Variants in BTBD9 observed in about 807,000 individuals in gnomAD.
BTBD9 encodes the protein BTB/POZ domain-containing protein 9.
Under a neutral mutation model 64.3 loss-of-function variants are expected in BTBD9, and 49 were observed. The ratio of observed to expected loss-of-function variants is 0.76; its 90% CI spans 0.61 to 0.97. The LOEUF (loss-of-function observed/expected upper bound fraction) is 0.97. BTBD9 is among the 50% of genes least tolerant of loss of function. The probability of loss-of-function intolerance (pLI) is 0.00; values close to 1 mark genes in which losing one functional copy is unlikely to be tolerated. For synonymous variants in BTBD9, 260 were observed against 274.7 expected (o/e 0.95, Z 0.53); for missense variants, 598 against 762.1 (o/e 0.78, Z 2.53).
intron 6 of BTBD9, among the ~76,000 whole-genome samples, chr6:38,498,738 C>T (rs551584185): frequency 3.3e-5 from 5 of 152,184 alleles, no homozygotes; most frequent in Non-Finnish European, 7.3e-5. Flanking sequence ...CTCCTGTAAG[C>T]GTCACTATCC....
intron 9 of BTBD9, among the ~76,000 whole-genome samples, chr6:38,220,853 T>C (rs1213109585): frequency 1.3e-5 from 2 of 152,212 alleles, no homozygotes; most frequent in Non-Finnish European, 2.9e-5. Flanking sequence ...TATATTCTCC[T>C]TTCCAGCTCC....
At chr6:38,370,665 T>C (rs577173822) in intron 6 of BTBD9, among the ~76,000 whole-genome samples, 2 of 152,308 alleles carry the variant, frequency 1.3e-5, no homozygotes, top group East Asian at 3.9e-4. Context: ...GTAAGTGTCA[T>C]AGGACCAGTT....
At chr6:38,179,758 C>T in intron 10 of BTBD9, 1 of 456,744 alleles carries the variant, frequency 2.2e-6, no homozygotes, top group Non-Finnish European at 4.4e-6. Flanking sequence ...AACAATTCTA[C>T]CAGCACGGGA....
chr6:38,638,403 T>G (rs1778603598), intron 1 of BTBD9, among the ~76,000 whole-genome samples: 1 of 152,232 alleles, frequency 6.6e-6, no homozygotes, highest in Non-Finnish European at 1.5e-5. Context: ...CTTGATGGAC[T>G]GAACTCAATG....
chr6:38,302,485 G>GTGTATATATATATATATATA (rs1554137022), intron 7 of BTBD9, among the ~76,000 whole-genome samples: 4 of 106,908 alleles, frequency 3.7e-5, no homozygotes, highest in African/African-American at 7.1e-5. Context: ...TTGTGTGTAT[G>GTGTATATATATATATATATA]TATATATATA....
intron 6 of BTBD9, among the ~76,000 whole-genome samples, chr6:38,451,938 A>C (rs1169541553): frequency 2.6e-5 from 4 of 152,078 alleles, no homozygotes; most frequent in Admixed American, 2.6e-4. Context: ...AAGAACTACA[A>C]ATTTTTTAAA....
chr6:38,582,804 T>C (rs560206231), intron 4 of BTBD9, among the ~76,000 whole-genome samples: 3 of 152,302 alleles, frequency 2.0e-5, no homozygotes, highest in African/African-American at 7.2e-5. Flanking sequence ...CCAACTGACC[T>C]CATAGGGTTA....
chr6:38,398,772 C>T (rs572098937), intron 6 of BTBD9, among the ~76,000 whole-genome samples: 4 of 152,252 alleles, frequency 2.6e-5, no homozygotes, highest in South Asian at 2.1e-4. Context: ...AAGCACTTAC[C>T]ATTTTTTCCT....
intron 1 of BTBD9, among the ~76,000 whole-genome samples, chr6:38,601,053 CA>C (rs70981569): frequency 6.1e-4 from 92 of 150,102 alleles, no homozygotes; most frequent in African/African-American, 2.1e-3. Context: ...TTAAAAACAA[CA>C]AAAAAAAAGA....
At chr6:38,533,914 TA>T (rs1361038796) in intron 6 of BTBD9, among the ~76,000 whole-genome samples, 4 of 152,064 alleles carry the variant, frequency 2.6e-5, no homozygotes, top group African/African-American at 9.7e-5. Context: ...TTTATAGCTG[TA>T]AGTGCCTACA....
chr6:38,620,242 A>C (rs892239729), intron 1 of BTBD9, among the ~76,000 whole-genome samples: 2 of 152,234 alleles, frequency 1.3e-5, no homozygotes, highest in Non-Finnish European at 2.9e-5. Context: ...TCAATGAGGC[A>C]GTAATTCCTC....
chr6:38,248,137 C>T (rs768717618), intron 9 of BTBD9, among the ~76,000 whole-genome samples: 13 of 152,076 alleles, frequency 8.5e-5, no homozygotes, highest in East Asian at 7.7e-4. Context: ...ATTTTGTACA[C>T]GCTTTTTAAA....
At chr6:38,421,598 G>T (rs1010711959) in intron 6 of BTBD9, among the ~76,000 whole-genome samples, 1 of 152,162 alleles carries the variant, frequency 6.6e-6, no homozygotes, top group Admixed American at 6.5e-5. Context: ...AAAGCACATG[G>T]AGCAGCAGAT....
chr6:38,552,528 C>T (rs573380775), intron 6 of BTBD9, among the ~76,000 whole-genome samples: 2 of 152,016 alleles, frequency 1.3e-5, no homozygotes, highest in South Asian at 4.2e-4. Context: ...GCCTGTAATC[C>T]CAGCACTTTG....
chr6:38,395,899 T>G (rs915807400), intron 6 of BTBD9, among the ~76,000 whole-genome samples: 2 of 152,054 alleles, frequency 1.3e-5, no homozygotes, highest in East Asian at 3.9e-4. Context: ...TTAGTAGAGA[T>G]GGGGTTTCAC....
At position 38,603,463 on chromosome 6, in the gene BTBD9, G is replaced by A. The variant is rs567689632; in HGVS notation, c.-27-5342C>T. Among the ~76,000 whole-genome samples, 69 of 152,346 alleles carry A rather than the reference G, an allele frequency of 4.5e-4. 1 individual carries two copies. Among genetic ancestry groups the A allele is most frequent in the Admixed American group, 4.3e-3 (66 of 15,304 alleles). On this transcript the variant is annotated intron_variant, in intron 1 of 10. Coordinates refer to ENST00000481247, the MANE Select transcript of BTBD9 (RefSeq NM_001099272.2). ...AACAATGTCCATCAATACACTGAGA[G>A]TACCATATGTAGTTCATAATGCTGG...
At chr6:38,362,056 T>C (rs1764984352) in intron 6 of BTBD9, among the ~76,000 whole-genome samples, 1 of 152,180 alleles carries the variant, frequency 6.6e-6, no homozygotes, top group South Asian at 2.1e-4. Flanking sequence ...GTTTGAAACA[T>C]GGGTAATTCC....
chr6:38,598,121 T>C lies in BTBD9; in HGVS notation c.-27A>G. ...TTGTGGAATAGACGATAGTCGTTGT[T>C]CTATCATATAAAGAAGGAATGAGAG... On this transcript the variant is annotated splice_region_variant and 5_prime_UTR_variant, in exon 2 of 11. Transcript: ENST00000481247. The C allele has an allele frequency of 6.2e-7, 1 of 1,604,492 alleles. No individual in the cohort carries two copies. The highest frequency in any genetic ancestry group is 8.5e-7 in the Non-Finnish European group (1 of 1,173,848).
rs567733464 is a variant in BTBD9, at chr6:38,318,736, G to A, written c.1264+26248C>T. Among the ~76,000 whole-genome samples the A allele has an allele frequency of 2.0e-5, 3 of 152,304 alleles. No individual in the cohort carries two copies. The South Asian group carries it at 6.2e-4, about 32-fold the overall frequency. ...AGACCTGAGGCCAACACAGCACTGG[G>A]TCTTGCCCAAGGACCACTGTAACCA... is the stretch of plus-strand genomic sequence containing the variant. On this transcript the variant is annotated intron_variant, in intron 7 of 10. Coordinates refer to ENST00000481247, the MANE Select transcript of BTBD9 (RefSeq NM_001099272.2).
Sources: gnomAD v4.1 joint callset for allele counts (sites outside exome capture counted in the v4.1 genomes callset) on GRCh38, gnomAD v4.1.1 for gene constraint, MANE v1.5 for transcripts, NCBI Gene and HGNC (gene_info 2026-07-23, HGNC 2026-07-21) for gene names.